The following FRRS1 variants were observed in gnomAD, a reference collection of about 807,000 sequenced individuals.
FRRS1 encodes ferric chelate reductase 1.
Under a neutral mutation model 70.7 loss-of-function variants are expected in FRRS1, and 51 were observed. The observed-to-expected ratio is 0.72, with a 90% CI of 0.58 to 0.91. The LOEUF is 0.91. Among genes scored for constraint, FRRS1 ranks in the 40% least tolerant of loss-of-function variants. The pLI is 0.00. For missense variants in FRRS1, 672 were observed against 726.0 expected (o/e 0.93, Z 0.86); for synonymous variants, 225 against 238.7 (o/e 0.94, Z 0.53).
intron 9 of FRRS1, among the ~76,000 whole-genome samples, chr1:99,725,299 C>T (rs572529359): frequency 5.3e-5 from 8 of 152,174 alleles, no homozygotes; most frequent in Non-Finnish European, 1.0e-4. Context: ...CTGATGTACA[C>T]TATAAAATAC....
intron 1 of FRRS1, among the ~76,000 whole-genome samples, chr1:99,761,701 T>G (rs1657118115): frequency 6.6e-6 from 1 of 152,198 alleles, no homozygotes; most frequent in Non-Finnish European, 1.5e-5. Context: ...GCTTTACATG[T>G]ATGAATGCTA....
chr1:99,729,233 C>G (rs1446283736), intron 8 of FRRS1, among the ~76,000 whole-genome samples: 2 of 152,212 alleles, frequency 1.3e-5, no homozygotes, highest in Non-Finnish European at 2.9e-5. Context: ...CAACAAAGGG[C>G]ACTTAAGACA....
At chr1:99,709,812 T>G (rs1654186818) in intron 15 of FRRS1, among the ~76,000 whole-genome samples, 1 of 151,992 alleles carries the variant, frequency 6.6e-6, no homozygotes, top group African/African-American at 2.4e-5. Context: ...TAAAAAAATT[T>G]AAAAACTTAG....
rs1654268546 is a variant in FRRS1, at chr1:99,711,474, C to G, written c.1481-525G>C. The G allele has an allele frequency of 2.0e-5, 3 of 152,954 alleles. 1 individual carries two copies. Among genetic ancestry groups the G allele is most frequent in the Admixed American group, 6.5e-5 (1 of 15,346 alleles). 9.5% of individuals were successfully genotyped at this position (152,954 alleles called of 1,614,324 possible). On this transcript the variant is annotated intron_variant, in intron 14 of 16. Coordinates refer to ENST00000646001, the MANE Select transcript of FRRS1 (RefSeq NM_001361041.2). ...GACATGACTTCATTCTTTTTTATGG[C>G]TGCGTAATCTACCAATCCTTAAAAG...
chr1:99,742,333 C>A, intron 4 of FRRS1, 60 bp from the exon 5 acceptor site: 1 of 1,018,338 alleles, frequency 9.8e-7, no homozygotes, highest in East Asian at 2.4e-5. Context: ...ATGGCTGGAA[C>A]TTCTATCATT....
chr1:99,762,365 T>C (rs763052178), intron 1 of FRRS1, among the ~76,000 whole-genome samples: 5 of 152,172 alleles, frequency 3.3e-5, no homozygotes, highest in Non-Finnish European at 5.9e-5. Flanking sequence ...ATGTCAGAAA[T>C]AGTCATTGTA....
intron 7 of FRRS1, among the ~76,000 whole-genome samples, chr1:99,736,689 C>A (rs889486116): frequency 1.3e-5 from 2 of 148,488 alleles, no homozygotes; most frequent in Non-Finnish European, 3.0e-5. Context: ...TTAATGGGTG[C>A]AGCACACCAA....
intron 1 of FRRS1, among the ~76,000 whole-genome samples, chr1:99,760,541 A>G (rs758232434): frequency 3.9e-5 from 6 of 152,234 alleles, no homozygotes; most frequent in African/African-American, 7.2e-5. Context: ...TAAATTAACA[A>G]TCAGAGTTAT....
At chr1:99,749,947 T>C (rs1656487662) in intron 1 of FRRS1, among the ~76,000 whole-genome samples, 1 of 152,230 alleles carries the variant, frequency 6.6e-6, no homozygotes, top group South Asian at 2.1e-4. Flanking sequence ...GGCAGTTTAT[T>C]ATTTATAGAA....
rs1654318793 is a variant in FRRS1, at chr1:99,712,522, A to T, written c.1324-7T>A. On this transcript the variant is annotated splice_region_variant and splice_polypyrimidine_tract_variant and intron_variant, in intron 12 of 16. Coordinates refer to ENST00000646001, the MANE Select transcript of FRRS1 (RefSeq NM_001361041.2). ...ATGGGTGGTAACCTGCATGCTAAAC[A>T]AAGTTACATCATTTTAATGGCCTCA... The T allele has an allele frequency of 6.4e-7, 1 of 1,553,834 alleles. No homozygotes were observed. Among genetic ancestry groups the T allele is most frequent in the Non-Finnish European group, 8.8e-7 (1 of 1,139,814 alleles).
At chr1:99,738,322 T>C in intron 6 of FRRS1, 54 bp from the exon 7 acceptor site, 1 of 1,359,250 alleles carries the variant, frequency 7.4e-7, no homozygotes, top group Non-Finnish European at 1.0e-6. Flanking sequence ...AGCAGTTCAT[T>C]GGCAATGACA....
At chr1:99,754,366 C>T (rs963773118) in intron 1 of FRRS1, among the ~76,000 whole-genome samples, 1 of 152,110 alleles carries the variant, frequency 6.6e-6, no homozygotes, top group Non-Finnish European at 1.5e-5. Context: ...GTAGTCTCAG[C>T]TACTCAAGAG....
chr1:99,724,240 G>A (rs1654970842), intron 9 of FRRS1, among the ~76,000 whole-genome samples: 2 of 152,192 alleles, frequency 1.3e-5, no homozygotes, highest in Admixed American at 1.3e-4. Context: ...TTCATGCTTA[G>A]TGCAAGAACC....
chr1:99,707,606 C>T lies in FRRS1; in HGVS notation c.*1422G>A, dbSNP rs1324182811. On this transcript the variant is annotated 3_prime_UTR_variant, in exon 17 of 17. Transcript: ENST00000646001. ...TACCCCAACCACCCAAAAAAAGTAGCCATTTTTAAAATAAAGATTAAGAGT... is the reference window on the plus strand; with the variant it reads ...TACCCCAACCACCCAAAAAAAGTAGTCATTTTTAAAATAAAGATTAAGAGT... Among the ~76,000 whole-genome samples, 1 of 152,078 alleles carries T rather than the reference C, an allele frequency of 6.6e-6. No homozygotes were observed. The highest frequency in any genetic ancestry group is 1.5e-5 in the Non-Finnish European group (1 of 68,022).
chr1:99,750,406 G>A (rs1018054674), intron 1 of FRRS1, among the ~76,000 whole-genome samples: 34 of 152,184 alleles, frequency 2.2e-4, no homozygotes, highest in African/African-American at 7.7e-4. Flanking sequence ...GCAAGCCTCA[G>A]AACCAGACTT....
chr1:99,741,725 TA>T (rs1655974658), intron 5 of FRRS1, among the ~76,000 whole-genome samples: 1 of 152,238 alleles, frequency 6.6e-6, no homozygotes, highest in Non-Finnish European at 1.5e-5. Flanking sequence ...GGAGCCAATC[TA>T]AAAGTAGTAT....
At chr1:99,744,178 G>A (rs1474236601) in intron 4 of FRRS1, among the ~76,000 whole-genome samples, 1 of 151,970 alleles carries the variant, frequency 6.6e-6, no homozygotes, top group Non-Finnish European at 1.5e-5. Context: ...ATCTCATATC[G>A]GAAATGCAGC....
At chr1:99,740,405 C>T (rs774091592) in intron 6 of FRRS1, among the ~76,000 whole-genome samples, 10 of 152,184 alleles carry the variant, frequency 6.6e-5, no homozygotes, top group Non-Finnish European at 8.8e-5. Flanking sequence ...GACTCCAAAA[C>T]GTGCTACCAC....
In FRRS1 at chr1:99,719,646, A is replaced by T. The variant is rs144122027; in HGVS notation, c.1008T>A (p.Gly336=). ...GTTGCTGAGAGTGCTTGTAAATTCG[A>T]CCTGCAAATTAAAAACAAAATTAAA... The part of the protein sequence containing the change: ...IFLADGAAND[G]RIYKHSQQPL... Residue 336 remains glycine, a splice_region_variant and synonymous_variant, in exon 10 of 17, where the codon GGT becomes GGA. Transcript: ENST00000646001. The T allele has an allele frequency of 9.9e-6, 15 of 1,517,678 alleles. No individual in the cohort carries two copies. In the African/African-American group the frequency reaches 2.1e-4, roughly 21 times the overall value. 94.0% of individuals were successfully genotyped at this position (1,517,678 alleles called of 1,614,324 possible).
Sources: allele counts gnomAD v4.1 joint callset (sites outside exome capture counted in the v4.1 genomes callset), GRCh38; gene constraint gnomAD v4.1.1; transcripts MANE v1.5; gene names NCBI Gene and HGNC (gene_info 2026-07-23, HGNC 2026-07-21).